CCDC190: variants seen among roughly 807,000 people sequenced by gnomAD.
CCDC190 encodes coiled-coil domain containing 190.
CCDC190 carries 10 observed loss-of-function variants against 13.1 expected under a neutral mutation model. The observed-to-expected ratio is 0.77, with a 90% CI of 0.47 to 1.30. CCDC190 has a LOEUF of 1.30. CCDC190 is among the 50% of genes most tolerant of loss of function. CCDC190 has a pLI of 0.00. For missense variants in CCDC190, 375 were observed against 354.3 expected, an observed-to-expected ratio of 1.06 and a Z score of -0.47; for synonymous variants, 136 against 127.2, an observed-to-expected ratio of 1.07 and a Z score of -0.47.
chr1:162,855,835 C>T lies in CCDC190; in HGVS notation c.188-80G>A, dbSNP rs995071352. On this transcript the variant is annotated intron_variant, in intron 2 of 3. Coordinates refer to ENST00000367912, the MANE Select transcript of CCDC190 (RefSeq NM_001394065.1). Reference sequence around the variant, plus strand: ...TATGCTCAAGTCCTAACCCCCAGTACCTTAGGGTGGGACCTTATTTGGAGA... The same window carrying T: ...TATGCTCAAGTCCTAACCCCCAGTATCTTAGGGTGGGACCTTATTTGGAGA... 16 of 1,306,374 alleles carry T rather than the reference C, an allele frequency of 1.2e-5. No individual in the cohort carries two copies. The Admixed American group carries it at 3.2e-4, about 26-fold the overall frequency. The allele number at this position is 1,306,374 out of a possible 1,614,324, so 80.9% of individuals were successfully genotyped here.
rs763391319 is a variant in CCDC190, at chr1:162,854,784, G to T, written c.887C>A (p.Ser296Tyr). Residue 296 changes from serine to tyrosine, a missense_variant, in exon 4 of 4, where the codon TCT (serine) becomes TAT (tyrosine). Ser to Tyr is a moderately radical substitution (Grantham distance 144). Transcript: ENST00000367912. ...AGKECENRVP[S>Y]KFLPL is the part of the protein sequence containing the mutation. ...AAACGGTTAGAGAGGAAGAAACTTAGAAGGCACCCTGTTTTCACACTCCTT... is the reference window on the plus strand; with the variant it reads ...AAACGGTTAGAGAGGAAGAAACTTATAAGGCACCCTGTTTTCACACTCCTT... 16 of 1,609,946 alleles carry T rather than the reference G, an allele frequency of 9.9e-6. No homozygotes were observed. In the Admixed American group the frequency reaches 2.7e-4, roughly 27 times the overall value.
chr1:162,868,452 T>C (rs1488423882), intron 1 of CCDC190, among the ~76,000 whole-genome samples: 1 of 152,180 alleles, frequency 6.6e-6, no homozygotes, highest in Non-Finnish European at 1.5e-5. Flanking sequence ...GAATTTTAGC[T>C]CCAGATCAAC....
chr1:162,855,480 G>A, intron 3 of CCDC190, 121 bp from the exon 4 acceptor site: 1 of 1,452,564 alleles, frequency 6.9e-7, no homozygotes, highest in Non-Finnish European at 9.3e-7. Flanking sequence ...GGTGGGAATG[G>A]GGTGGAGGGT....
chr1:162,865,311 T>C (rs1215831926), upstream of CCDC190, among the ~76,000 whole-genome samples: 1 of 152,154 alleles, frequency 6.6e-6, no homozygotes, highest in Non-Finnish European at 1.5e-5. Flanking sequence ...CAACATCCTT[T>C]TCTCAATAAG....
chr1:162,864,419 A>G (rs1650629547), upstream of CCDC190, among the ~76,000 whole-genome samples: 1 of 152,206 alleles, frequency 6.6e-6, no homozygotes. Context: ...ATGGAAATCC[A>G]AAGCTACAAA....
chr1:162,854,901 T>A lies in CCDC190; in HGVS notation c.770A>T (p.Tyr257Phe). Residue 257 changes from tyrosine (Y) to phenylalanine (F), a missense_variant, in exon 4 of 4, where the codon TAT (tyrosine) becomes TTT (phenylalanine). Tyr to Phe is a conservative substitution (Grantham distance 22). Transcript: ENST00000367912. ...CTCAGGGGGGACCCTGTGCCGGAGA[T>A]AATGGGCATTTCTGGCCTTTGAAAG... Reference protein sequence around the residue: ...ELLSKARNAHYLRHRVPPESE... With the variant: ...ELLSKARNAHFLRHRVPPESE... 6.2e-7 allele frequency: 1 copy of A among 1,614,040 alleles called. No homozygotes were observed. The highest frequency in any genetic ancestry group is 8.5e-7 in the Non-Finnish European group (1 of 1,179,884).
At position 162,854,601 on chromosome 1, in the gene CCDC190, C is replaced by A; in HGVS notation, c.*164G>T. 1 of 1,394,020 alleles carries A rather than the reference C, an allele frequency of 7.2e-7. No homozygotes were observed. Among genetic ancestry groups the A allele is most frequent in the Non-Finnish European group, 9.3e-7 (1 of 1,075,760 alleles). 86.4% of individuals were successfully genotyped at this position (1,394,020 alleles called of 1,614,324 possible). ...TCCTTTTTCATATATTAGCATTGTTCATTCAAGAAATATTATATTCCCGGA... is the reference window on the plus strand; with the variant it reads ...TCCTTTTTCATATATTAGCATTGTTAATTCAAGAAATATTATATTCCCGGA... On this transcript the variant is annotated 3_prime_UTR_variant, in exon 4 of 4. Coordinates refer to ENST00000367912, the MANE Select transcript of CCDC190 (RefSeq NM_001394065.1).
At chr1:162,868,070 TAAAGTTGATTTTAAAAA>T (rs1350581208) in intron 1 of CCDC190, among the ~76,000 whole-genome samples, 1 of 152,198 alleles carries the variant, frequency 6.6e-6, no homozygotes, top group African/African-American at 2.4e-5. Context: ...TTTATCTCAG[TAAAGTTGATTTTAAAAA>T]AAACTTAATA....
At chr1:162,864,618 T>C (rs1213904806), upstream of CCDC190, among the ~76,000 whole-genome samples, 1 of 152,036 alleles carries the variant, frequency 6.6e-6, no homozygotes, top group African/African-American at 2.4e-5. Flanking sequence ...TGAGAATAAA[T>C]GGAAGTTTAC....
intron 1 of CCDC190, among the ~76,000 whole-genome samples, chr1:162,860,572 T>G (rs1650474332): frequency 6.6e-6 from 1 of 152,008 alleles, no homozygotes; most frequent in South Asian, 2.1e-4. Context: ...ATTTTTTTTT[T>G]TTTGAGACAG....
Position 162,859,664 on chromosome 1 carries a change from G to A in CCDC190, c.-12-6C>T. 6.2e-7 allele frequency: 1 copy of A among 1,604,508 alleles called. No individual in the cohort carries two copies. Among genetic ancestry groups the A allele is most frequent in the Non-Finnish European group, 8.5e-7 (1 of 1,176,060 alleles). On this transcript the variant is annotated splice_region_variant and splice_polypyrimidine_tract_variant and intron_variant, in intron 1 of 3. Transcript: ENST00000367912. ...CTCTCCATCTTCTTTATGGTCTAGA[G>A]ACAATAAGGTATCACAAATAACCTG...
At position 162,854,881 on chromosome 1, in the gene CCDC190, G is replaced by A. The variant is rs1189844892; in HGVS notation, c.790C>T (p.Pro264Ser). ...ATGCTAAGCAACCTCTCAGACTCAG[G>A]GGGGACCCTGTGCCGGAGATAATGG... ...NAHYLRHRVP[P>S]ESERLLSIGE... Residue 264 changes from proline to serine, a missense_variant, in exon 4 of 4, where the codon CCT becomes TCT. Physicochemically the swap from Pro to Ser is moderately conservative, Grantham distance 74 (BLOSUM62 -1). Transcript: ENST00000367912. 6.2e-7 allele frequency: 1 copy of A among 1,613,900 alleles called. No homozygotes were observed. Among genetic ancestry groups the A allele is most frequent in the Non-Finnish European group, 8.5e-7 (1 of 1,179,894 alleles).
At chr1:162,862,357 A>G (rs542489040), upstream of CCDC190, among the ~76,000 whole-genome samples, 19 of 152,218 alleles carry the variant, frequency 1.2e-4, no homozygotes, top group Non-Finnish European at 2.6e-4. Context: ...CTAGGAAAAG[A>G]ATGGTGGCCA....
intron 1 of CCDC190, 54 bp from the exon 2 acceptor site, chr1:162,859,712 G>C: frequency 7.0e-7 from 1 of 1,432,936 alleles, no homozygotes; most frequent in Non-Finnish European, 9.4e-7. Flanking sequence ...CTGGGATACT[G>C]ACCCCGGCTT....
chr1:162,864,565 G>A (rs974995268), upstream of CCDC190, among the ~76,000 whole-genome samples: 4 of 152,104 alleles, frequency 2.6e-5, no homozygotes, highest in Non-Finnish European at 5.9e-5. Context: ...TTTACAGCAT[G>A]TAAACATGTA....
rs1650091595 is a variant in CCDC190, at chr1:162,851,087, G to T, written c.*3678C>A. ...TGCATTTAGGTTATTATTGTTTATG[G>T]TTCTCATCCAGTTTAAAGTCTTTCT... is the stretch of plus-strand genomic sequence containing the variant. On this transcript the variant is annotated 3_prime_UTR_variant, in exon 4 of 4. Transcript: ENST00000367912. Among the ~76,000 whole-genome samples, 1 of 151,940 alleles carries T rather than the reference G, an allele frequency of 6.6e-6. No homozygotes were observed. Among genetic ancestry groups the T allele is most frequent in the Non-Finnish European group, 1.5e-5 (1 of 67,990 alleles).
intron 1 of CCDC190, 48 bp from the exon 2 acceptor site, chr1:162,859,706 G>T: frequency 6.8e-7 from 1 of 1,473,212 alleles, no homozygotes; most frequent in Non-Finnish European, 9.2e-7. Context: ...GGAAGACTGG[G>T]ATACTGACCC....
chr1:162,855,315 G>A lies in CCDC190; in HGVS notation c.356C>T (p.Ser119Phe), dbSNP rs776197002. The change falls in exon 4 of 4, where the codon TCC (serine) becomes TTC (phenylalanine). Residue 119 changes from serine to phenylalanine, a missense_variant. By Grantham distance (155) the Ser-to-Phe change is radical. Coordinates refer to ENST00000367912, the MANE Select transcript of CCDC190 (RefSeq NM_001394065.1). ...RMAQDTCKSK[S>F]QVPPSHDAGL... is the part of the protein sequence containing the mutation. ...AGCATCATGTGAAGGAGGCACCTGG[G>A]ACTTGCTTTTGCATGTGTCTTGGGC... The A allele has an allele frequency of 2.5e-6, 4 of 1,612,792 alleles. No homozygotes were observed. The highest frequency in any genetic ancestry group is 1.7e-5 in the Admixed American group (1 of 59,998).
Position 162,860,991 on chromosome 1 carries a change from G to T in CCDC190, c.-13+17C>A. The T allele has an allele frequency of 1.0e-6, 1 of 980,848 alleles. No homozygotes were observed. The highest frequency in any genetic ancestry group is 1.2e-6 in the Non-Finnish European group (1 of 825,780). The allele number at this position is 980,848 out of a possible 1,614,324, so 60.8% of individuals were successfully genotyped here. A position where few individuals can be genotyped will look rare whatever the true frequency, so the allele number is the denominator to read the frequency against. ...ATAACTAAACTTTTATTAAAGAACAGGGCCAGTAGAACTTACCTCCAAATC... is the reference window on the plus strand; with the variant it reads ...ATAACTAAACTTTTATTAAAGAACATGGCCAGTAGAACTTACCTCCAAATC... On this transcript the variant is annotated intron_variant, in intron 1 of 3. Transcript: ENST00000367912.
Sources: allele counts gnomAD v4.1 joint callset (sites outside exome capture counted in the v4.1 genomes callset), GRCh38; gene constraint gnomAD v4.1.1; transcripts MANE v1.5; gene names NCBI Gene and HGNC (gene_info 2026-07-23, HGNC 2026-07-21).